The following RNF216 variants were observed in gnomAD, a reference collection of about 807,000 sequenced individuals.
RNF216 encodes the protein E3 ubiquitin-protein ligase RNF216.
Under a neutral mutation model 110.8 loss-of-function variants are expected in RNF216, and 72 were observed. The ratio of observed to expected loss-of-function variants is 0.65; its 90% confidence interval spans 0.54 to 0.79. The LOEUF (loss-of-function observed/expected upper bound fraction) is 0.79. Among genes scored for constraint, RNF216 ranks in the 30% least tolerant of loss-of-function variants. The pLI, the probability that RNF216 is intolerant of heterozygous loss-of-function variation, is 0.00. For synonymous variants in RNF216, 495 were observed against 407.5 expected (o/e 1.21, Z -2.59); for missense variants, 1,342 against 1,141.2 (o/e 1.18, Z -2.54).
intron 6 of RNF216, 138 bp from the exon 7 acceptor site, chr7:5,729,734 A>AG: frequency 2.7e-6 from 2 of 740,766 alleles, no homozygotes; most frequent in Non-Finnish European, 4.3e-6. Context: ...CAGCCCTATA[A>AG]GACAGATGAG....
At chr7:5,767,436 A>G (rs1333739768) in intron 1 of RNF216, among the ~76,000 whole-genome samples, 1 of 152,148 alleles carries the variant, frequency 6.6e-6, no homozygotes, top group African/African-American at 2.4e-5. Context: ...CCAGCAAGGA[A>G]GAATCCACTG....
chr7:5,749,017 G>A (rs926513129), intron 3 of RNF216, among the ~76,000 whole-genome samples: 7 of 152,126 alleles, frequency 4.6e-5, no homozygotes, highest in Non-Finnish European at 5.9e-5. Context: ...AAGGAAAAAG[G>A]AAGCACTTCA....
At chr7:5,711,325 C>T (rs912730631) in intron 13 of RNF216, among the ~76,000 whole-genome samples, 1 of 152,124 alleles carries the variant, frequency 6.6e-6, no homozygotes, top group Non-Finnish European at 1.5e-5. Context: ...GATGGAGATG[C>T]CACTAAGATG....
intron 1 of RNF216, among the ~76,000 whole-genome samples, chr7:5,764,459 T>A (rs1796096581): frequency 6.6e-6 from 1 of 151,034 alleles, no homozygotes; most frequent in African/African-American, 2.4e-5. Flanking sequence ...ACCAGCCTGG[T>A]CAACATGGCA....
rs539988326 is a variant in RNF216, at chr7:5,730,108, T to C, written c.1225-512A>G. 5.7e-4 allele frequency among the ~76,000 whole-genome samples: 87 copies of C among 152,358 alleles called. 1 individual carries two copies. The highest frequency in any genetic ancestry group is 2.0e-3 in the African/African-American group (83 of 41,590). On this transcript the variant is annotated intron_variant, in intron 6 of 16. Coordinates refer to ENST00000389902, the MANE Select transcript of RNF216 (RefSeq NM_207111.4). ...AAACAGATGTATAGTATACGCTGTA[T>C]ACAAATCTCACATCAAAAGAAAAAA...
chr7:5,624,132 CGCAA>C lies in RNF216; in HGVS notation c.2383-11_2383-8del. The stretch of plus-strand genomic sequence containing the variant: ...TAAGCTTCTCATCATCTTCCTAAAA[CGCAA>C]GCAATGAGAAGGATGAACCTGTAGC... On this transcript the variant is annotated splice_polypyrimidine_tract_variant and splice_region_variant and intron_variant, in intron 15 of 16. Coordinates refer to ENST00000389902, the MANE Select transcript of RNF216 (RefSeq NM_207111.4). This position sits in a 1 kb window ranked among gnomAD's most constrained non-coding sequence, Gnocchi z 4.4. The C allele has an allele frequency of 6.2e-7, 1 of 1,612,426 alleles. No individual in the cohort carries two copies. Among genetic ancestry groups the C allele is most frequent in the Non-Finnish European group, 8.5e-7 (1 of 1,179,352 alleles).
intron 15 of RNF216, among the ~76,000 whole-genome samples, chr7:5,635,191 C>T (rs1304076344): frequency 6.6e-6 from 1 of 152,176 alleles, no homozygotes; most frequent in Non-Finnish European, 1.5e-5. Context: ...GCATAGCACG[C>T]TCACATGGTG....
At chr7:5,751,229 A>C (rs1284871074) in intron 3 of RNF216, among the ~76,000 whole-genome samples, 1 of 152,210 alleles carries the variant, frequency 6.6e-6, no homozygotes, top group Non-Finnish European at 1.5e-5. Flanking sequence ...ACCAGAACCT[A>C]TAAAGTATAT....
At position 5,641,036 on chromosome 7, in the gene RNF216, T is replaced by C. The variant is rs137885195; in HGVS notation, c.2382+118A>G. 840 of 786,938 alleles carry C rather than the reference T, an allele frequency of 1.1e-3. 5 individuals carry two copies. The East Asian group carries it at 0.022, about 21-fold the overall frequency. The allele number at this position is 786,938 out of a possible 1,614,324, so 48.7% of individuals were successfully genotyped here. ...TTTTTTCTTTGGTTATCAGTCTATG[T>C]AATTTCCTATATTCTTCTCCTAAGT... On this transcript the variant is annotated intron_variant, in intron 15 of 16. Transcript: ENST00000389902.
intron 11 of RNF216, among the ~76,000 whole-genome samples, chr7:5,714,294 T>A (rs1792904538): frequency 1.3e-5 from 2 of 151,924 alleles, no homozygotes; most frequent in African/African-American, 4.8e-5. Flanking sequence ...GTTTCACTCT[T>A]GTTGCCCAGG....
Position 5,700,977 on chromosome 7 carries a change from T to C in RNF216, c.2061+10784A>G, listed in dbSNP as rs548037785. Among the ~76,000 whole-genome samples, 3 of 152,288 alleles carry C rather than the reference T, an allele frequency of 2.0e-5. No homozygotes were observed. In the South Asian group the frequency reaches 6.2e-4, roughly 32 times the overall value. ...TGTTTCTAGGCCCCTCCTGTACTCA[T>C]TTCTTCTGAATGTCATCCCTGAGAT... On this transcript the variant is annotated intron_variant, in intron 13 of 16. Transcript: ENST00000389902.
chr7:5,743,939 A>G (rs1416710158), intron 3 of RNF216, among the ~76,000 whole-genome samples: 1 of 152,228 alleles, frequency 6.6e-6, no homozygotes, highest in Non-Finnish European at 1.5e-5. Flanking sequence ...CTCTATAGAG[A>G]AACAACATCA....
In RNF216 at chr7:5,696,544, G is replaced by A. The variant is rs545419425; in HGVS notation, c.2061+15217C>T. On this transcript the variant is annotated intron_variant, in intron 13 of 16. Coordinates refer to ENST00000389902, the MANE Select transcript of RNF216 (RefSeq NM_207111.4). The surrounding 1 kb of genome is among the most constrained non-coding windows in gnomAD (Gnocchi z 5.4). ...ACACCACAGGAAGGAGGAGCAGGCC[G>A]GGGCAGCCTCCTAGACACGCGTGCC... Among the ~76,000 whole-genome samples, 33 of 152,224 alleles carry A rather than the reference G, an allele frequency of 2.2e-4. No individual in the cohort carries two copies. The highest frequency in any genetic ancestry group is 4.0e-4 in the Non-Finnish European group (27 of 68,008).
At chr7:5,691,141 G>T (rs1242634538) in intron 13 of RNF216, among the ~76,000 whole-genome samples, 1 of 152,170 alleles carries the variant, frequency 6.6e-6, no homozygotes, top group South Asian at 2.1e-4. Context: ...AACCGTGTGT[G>T]TAGACGGTGA....
At chr7:5,720,428 AAAACATACC>A in intron 9 of RNF216, among the ~76,000 whole-genome samples, 1 of 152,356 alleles carries the variant, frequency 6.6e-6, no homozygotes, top group East Asian at 1.9e-4. Flanking sequence ...TGTAATACAC[AAAACATACC>A]AAACGTGCTC....
chr7:5,626,985 C>T (rs852457), intron 15 of RNF216, among the ~76,000 whole-genome samples: 27,070 of 152,062 alleles, frequency 0.18, 4,178 homozygotes, highest in African/African-American at 0.42. Flanking sequence ...TGGTCCGTTA[C>T]TAATCACAAC....
In RNF216 at chr7:5,723,641, C is replaced by CG. The variant is rs781579008; in HGVS notation, c.1504+1682dup. On this transcript the variant is annotated intron_variant, in intron 8 of 16. Coordinates refer to ENST00000389902, the MANE Select transcript of RNF216 (RefSeq NM_207111.4). ...CAGCCTGGGCGACAGAGCAAGACTC[C>CG]GTCTCAAAAAAAAAAAATAAATAAA... Among the ~76,000 whole-genome samples, 4 of 150,112 alleles carry CG rather than the reference C, an allele frequency of 2.7e-5. No homozygotes were observed. The South Asian group carries it at 8.5e-4, about 32-fold the overall frequency.
At chr7:5,773,413 T>C (rs1372005679) in intron 1 of RNF216, among the ~76,000 whole-genome samples, 1 of 151,866 alleles carries the variant, frequency 6.6e-6, no homozygotes, top group Non-Finnish European at 1.5e-5. Context: ...AGCTAGTTTT[T>C]TGTATTTTTA....
At chr7:5,712,907 T>C in intron 11 of RNF216, 44 bp from the exon 12 acceptor site, 1 of 1,565,010 alleles carries the variant, frequency 6.4e-7, no homozygotes, top group East Asian at 2.3e-5. Context: ...TCAATACCAT[T>C]TATAGAAAAA....
Sources: gnomAD v4.1 joint callset for allele counts (sites outside exome capture counted in the v4.1 genomes callset) on GRCh38, gnomAD v4.1.1 for gene constraint, Gnocchi (gnomAD v3.1) non-coding constraint, MANE v1.5 for transcripts, NCBI Gene and HGNC (gene_info 2026-07-23, HGNC 2026-07-21) for gene names.